The following MACROD2 variants were observed in gnomAD, a reference collection of about 807,000 sequenced individuals.
MACROD2 encodes the protein ADP-ribose glycohydrolase MACROD2.
Under a neutral mutation model 70.4 loss-of-function variants are expected in MACROD2, and 36 were observed. The observed-to-expected ratio is 0.51, with a 90% CI of 0.39 to 0.68. MACROD2 has a LOEUF of 0.68. Ranked by LOEUF, MACROD2 falls within the 30% of genes least tolerant of loss-of-function variation. MACROD2 has a pLI of 0.00. For synonymous variants in MACROD2, 172 were observed against 178.8 expected (o/e 0.96, Z 0.30); for missense variants, 496 against 538.4 (o/e 0.92, Z 0.78).
chr20:15,063,510 A>T (rs1267132362), intron 5 of MACROD2, among the ~76,000 whole-genome samples: 1 of 152,188 alleles, frequency 6.6e-6, no homozygotes, highest in African/African-American at 2.4e-5. Context: ...TTGTCCTTTT[A>T]AACTTGGCTC....
At chr20:14,251,244 A>G (rs932218364) in intron 3 of MACROD2, among the ~76,000 whole-genome samples, 1 of 152,120 alleles carries the variant, frequency 6.6e-6, no homozygotes, top group African/African-American at 2.4e-5. Context: ...TTCTAATTGC[A>G]TATCCTCTTT....
intron 4 of MACROD2, among the ~76,000 whole-genome samples, chr20:14,599,961 G>A (rs1257671122): frequency 6.6e-6 from 1 of 152,090 alleles, no homozygotes; most frequent in African/African-American, 2.4e-5. Flanking sequence ...ATTGAATTAA[G>A]GTGGTGAAAG....
chr20:15,091,611 C>G (rs952969119), intron 5 of MACROD2, among the ~76,000 whole-genome samples: 47 of 152,152 alleles, frequency 3.1e-4, no homozygotes, highest in African/African-American at 1.1e-3. Context: ...GAACCCACGT[C>G]ACTAAGAGAC....
Position 14,023,060 on chromosome 20 carries a change from G to A in MACROD2, c.163+20656G>A, listed in dbSNP as rs987866439. On this transcript the variant is annotated intron_variant, in intron 2 of 17. Coordinates refer to ENST00000684519, the MANE Select transcript of MACROD2 (RefSeq NM_001351661.2). ...TTCCTATTTCTCCATGTCCTCTCCA[G>A]CATCTGTTGTTTCCTGACTTTTTAA... Among the ~76,000 whole-genome samples the A allele has an allele frequency of 4.6e-5, 7 of 152,276 alleles. No individual in the cohort carries two copies. In the East Asian group the frequency reaches 1.4e-3, roughly 29 times the overall value.
intron 5 of MACROD2, among the ~76,000 whole-genome samples, chr20:14,983,833 G>C (rs1288308448): frequency 6.6e-6 from 1 of 152,190 alleles, no homozygotes; most frequent in Non-Finnish European, 1.5e-5. Context: ...ATAATGGTAA[G>C]TAGTAATGAT....
intron 8 of MACROD2, among the ~76,000 whole-genome samples, chr20:15,696,978 A>T (rs1165727973): frequency 6.6e-6 from 1 of 151,864 alleles, no homozygotes; most frequent in African/African-American, 2.4e-5. Context: ...TGGTCTATCA[A>T]TTTTATTTAT....
At chr20:14,411,490 T>A (rs1302764739) in intron 3 of MACROD2, among the ~76,000 whole-genome samples, 1 of 152,082 alleles carries the variant, frequency 6.6e-6, no homozygotes, top group Non-Finnish European at 1.5e-5. Context: ...ACTCCCATAA[T>A]GCTGTTGGGT....
At chr20:15,923,721 A>G (rs576242393) in intron 10 of MACROD2, among the ~76,000 whole-genome samples, 17 of 151,224 alleles carry the variant, frequency 1.1e-4, no homozygotes, top group African/African-American at 4.2e-4. Flanking sequence ...TTTAGAAGGA[A>G]AGCAGGAGAT....
intron 5 of MACROD2, among the ~76,000 whole-genome samples, chr20:14,875,931 G>A (rs6079590): frequency 0.25 from 37,423 of 152,014 alleles, 5,041 homozygotes; most frequent in African/African-American, 0.34. Context: ...ATTGTGAATA[G>A]AACTATGGTG....
chr20:15,032,264 G>T (rs530172238), intron 5 of MACROD2, among the ~76,000 whole-genome samples: 11 of 152,198 alleles, frequency 7.2e-5, no homozygotes, highest in Admixed American at 1.3e-4. Context: ...AGCTCCACCT[G>T]GGAACTCAGG....
At chr20:14,412,003 C>T (rs2083754951) in intron 3 of MACROD2, among the ~76,000 whole-genome samples, 1 of 152,146 alleles carries the variant, frequency 6.6e-6, no homozygotes, top group Non-Finnish European at 1.5e-5. Flanking sequence ...CCAAGAATCC[C>T]ACATCAGCAT....
intron 3 of MACROD2, among the ~76,000 whole-genome samples, chr20:14,373,153 G>T (rs2083341780): frequency 1.3e-5 from 2 of 152,052 alleles, no homozygotes. Flanking sequence ...TCAGCAAGTG[G>T]CGGTTGCTCT....
At chr20:14,189,408 A>G (rs1398164054) in intron 3 of MACROD2, among the ~76,000 whole-genome samples, 1 of 152,202 alleles carries the variant, frequency 6.6e-6, no homozygotes, top group African/African-American at 2.4e-5. Flanking sequence ...TTCCATTTGT[A>G]TAGTTATTTT....
At chr20:14,905,016 C>T (rs958110035) in intron 5 of MACROD2, 3 of 152,064 alleles carry the variant, frequency 2.0e-5, no homozygotes, top group African/African-American at 7.2e-5. Flanking sequence ...TATGTACAAG[C>T]TCTGAGTGAT....
At chr20:14,570,056 T>C (rs948391910) in intron 4 of MACROD2, among the ~76,000 whole-genome samples, 2 of 152,050 alleles carry the variant, frequency 1.3e-5, no homozygotes, top group African/African-American at 4.8e-5. Flanking sequence ...TATATGTTCA[T>C]CAACATGTGC....
At position 14,489,177 on chromosome 20, in the gene MACROD2, G is replaced by A. The variant is rs763658147; in HGVS notation, c.272-4302G>A. ...CGTTAAGCCTATTCTTAATTTTCTC[G>A]CTTCGTCAGCTTCAAAGCAGGAAAT... On this transcript the variant is annotated intron_variant, in intron 3 of 17. Transcript: ENST00000684519. Among the ~76,000 whole-genome samples the A allele has an allele frequency of 2.6e-5, 4 of 152,194 alleles. No individual in the cohort carries two copies. The East Asian group carries it at 7.7e-4, about 29-fold the overall frequency.
intron 6 of MACROD2, among the ~76,000 whole-genome samples, chr20:15,303,391 G>A (rs545842717): frequency 6.6e-6 from 1 of 152,142 alleles, no homozygotes; most frequent in East Asian, 1.9e-4. Context: ...TATTCCTAAA[G>A]GCACCCTTTT....
At chr20:14,912,149 T>C (rs1382385956) in intron 5 of MACROD2, among the ~76,000 whole-genome samples, 1 of 152,190 alleles carries the variant, frequency 6.6e-6, no homozygotes, top group Non-Finnish European at 1.5e-5. Flanking sequence ...TGATGATTAC[T>C]CTTCCTGCAC....
At position 15,250,803 on chromosome 20, in the gene MACROD2, T is replaced by C. The variant is rs181066552; in HGVS notation, c.540+20742T>C. ...TATGCTTATTTGAATATTTTTCTTCTTCCTCCCCAGTTCATGAGCTCCATG... is the reference window on the plus strand; with the variant it reads ...TATGCTTATTTGAATATTTTTCTTCCTCCTCCCCAGTTCATGAGCTCCATG... On this transcript the variant is annotated intron_variant, in intron 6 of 17. Transcript: ENST00000684519. Among the ~76,000 whole-genome samples, 485 of 152,310 alleles carry C rather than the reference T, an allele frequency of 3.2e-3. 14 individuals are homozygous for C. Among genetic ancestry groups the C allele is most frequent in the Non-Finnish European group, 3.1e-4 (21 of 68,020 alleles).
Sources: allele counts gnomAD v4.1 joint callset (sites outside exome capture counted in the v4.1 genomes callset), GRCh38; gene constraint gnomAD v4.1.1; transcripts MANE v1.5; gene names NCBI Gene and HGNC (gene_info 2026-07-23, HGNC 2026-07-21).